The following CKAP4 variants were observed in gnomAD, a reference collection of about 807,000 sequenced individuals.
The protein encoded by CKAP4 is cytoskeleton-associated protein 4.
In CKAP4, 20 loss-of-function variants were observed where a neutral mutation model predicts 24.4. The observed-to-expected ratio is 0.82, with a 90% confidence interval of 0.58 to 1.19. The LOEUF (loss-of-function observed/expected upper bound fraction) is 1.19. Ranked by LOEUF, CKAP4 falls within the 50% of genes most tolerant of loss-of-function variation. The pLI is 0.00. For missense variants in CKAP4, 744 were observed against 765.3 expected, an observed-to-expected ratio of 0.97 and a Z score of 0.33; for synonymous variants, 378 against 351.7, an observed-to-expected ratio of 1.07 and a Z score of -0.84.
rs1385111836 is a variant in CKAP4, at chr12:106,239,576, C to G, written c.1257G>C (p.Gly419=). ...LDSRLQHVED[G]VLSMQVASAR... ...CAGAAGCCACCTGCATGGAGAGCACCCCATCCTCCACGTGCTGGAGCCTGG... is the reference window on the plus strand; with the variant it reads ...CAGAAGCCACCTGCATGGAGAGCACGCCATCCTCCACGTGCTGGAGCCTGG... The change falls in exon 2 of 2, where the codon GGG becomes GGC. Residue 419 remains glycine, a synonymous_variant. Coordinates refer to ENST00000378026, the MANE Select transcript of CKAP4 (RefSeq NM_006825.4). The surrounding 1 kb of genome is among the most constrained non-coding windows in gnomAD (Gnocchi z 4.9). The G allele has an allele frequency of 1.2e-6, 2 of 1,613,840 alleles. No homozygotes were observed. The highest frequency in any genetic ancestry group is 1.7e-6 in the Non-Finnish European group (2 of 1,180,008).
In CKAP4 at chr12:106,247,363, AC is replaced by A; in HGVS notation, c.483+5del. On this transcript the variant is annotated splice_donor_5th_base_variant and intron_variant, in intron 1 of 1. Coordinates refer to ENST00000378026, the MANE Select transcript of CKAP4 (RefSeq NM_006825.4). The surrounding 1 kb of genome is among the most constrained non-coding windows in gnomAD (Gnocchi z 4.5). Reference sequence around the variant, plus strand: ...TGGGGACAGTTGCGGGGCCGGGGGTACCCACCTTCTGCTCGACGCCCTGCAA... The same window carrying A: ...TGGGGACAGTTGCGGGGCCGGGGGTACCACCTTCTGCTCGACGCCCTGCAA... 6.6e-7 allele frequency: 1 copy of A among 1,521,052 alleles called. No homozygotes were observed. Among genetic ancestry groups the A allele is most frequent in the Non-Finnish European group, 8.8e-7 (1 of 1,138,308 alleles). 94.2% of individuals were successfully genotyped at this position (1,521,052 alleles called of 1,614,324 possible).
intron 1 of CKAP4, among the ~76,000 whole-genome samples, chr12:106,246,018 G>A (rs964167419): frequency 6.6e-6 from 1 of 152,192 alleles, no homozygotes; most frequent in Admixed American, 6.5e-5. Context: ...AGAAGTGGCG[G>A]GATTTTTTGT....
At chr12:106,241,211 T>C (rs917824287) in intron 1 of CKAP4, among the ~76,000 whole-genome samples, 2 of 152,190 alleles carry the variant, frequency 1.3e-5, no homozygotes, top group Non-Finnish European at 2.9e-5. Context: ...TATGATATGC[T>C]GTGTTCTGTT....
At position 106,247,414 on chromosome 12, in the gene CKAP4, C is replaced by A; in HGVS notation, c.438G>T (p.Arg146=). 6.5e-7 allele frequency: 1 copy of A among 1,543,894 alleles called. No individual in the cohort carries two copies. Among genetic ancestry groups the A allele is most frequent in the South Asian group, 1.2e-5 (1 of 84,132 alleles). ...AGCCCTGGCCCAGCTCCTCCCTCTGCCGGGAGAAGTCCTGGTGGCTGCGCC... is the reference window on the plus strand; with the variant it reads ...AGCCCTGGCCCAGCTCCTCCCTCTGACGGGAGAAGTCCTGGTGGCTGCGCC... The part of the protein sequence containing the change: ...QVRRSHQDFS[R]QREELGQGLQ... The change falls in exon 1 of 2, where the codon CGG becomes CGT. Residue 146 remains arginine (R), a synonymous_variant. Coordinates refer to ENST00000378026, the MANE Select transcript of CKAP4 (RefSeq NM_006825.4). The surrounding 1 kb of genome is among the most constrained non-coding windows in gnomAD (Gnocchi z 4.5).
intron 1 of CKAP4, 101 bp from the exon 2 acceptor site, chr12:106,240,450 A>G: frequency 7.6e-7 from 1 of 1,315,186 alleles, no homozygotes; most frequent in South Asian, 1.4e-5. Context: ...GTTTTTTTCC[A>G]GAATGTCACC....
Position 106,239,877 on chromosome 12 carries a change from G to A in CKAP4, c.956C>T (p.Ser319Phe), listed in dbSNP as rs1359841585. The change falls in exon 2 of 2, where the codon TCT (serine) becomes TTT (phenylalanine). Residue 319 changes from serine (S) to phenylalanine (F), a missense_variant. Around this residue, in one of 3 missense-constraint regions of CKAP4, gnomAD observed 401 missense variants for 424.5 expected, o/e 0.94. Coordinates refer to ENST00000378026, the MANE Select transcript of CKAP4 (RefSeq NM_006825.4). This position sits in a 1 kb window ranked among gnomAD's most constrained non-coding sequence, Gnocchi z 4.9. The stretch of plus-strand genomic sequence containing the variant: ...CTCGCGGACCTCGGTGTAGATGTCA[G>A]ACTCCATAGTCTGAAGGGTACTTCT... ...ALRSTLQTME[S>F]DIYTEVRELV... is the part of the protein sequence containing the mutation. 6.2e-7 allele frequency: 1 copy of A among 1,614,006 alleles called. No homozygotes were observed. The highest frequency in any genetic ancestry group is 8.5e-7 in the Non-Finnish European group (1 of 1,180,004).
intron 1 of CKAP4, among the ~76,000 whole-genome samples, chr12:106,241,230 C>T (rs927384227): frequency 6.6e-6 from 1 of 151,200 alleles, no homozygotes; most frequent in African/African-American, 2.4e-5. Context: ...TTAAAACAAA[C>T]AGGGAAAGGA....
At position 106,248,006 on chromosome 12, in the gene CKAP4, GGCCGGGCCGAGGA is replaced by G. The variant is rs1412737227; in HGVS notation, c.-168_-156del. 1 of 328,582 alleles carries G rather than the reference GGCCGGGCCGAGGA, an allele frequency of 3.0e-6. No individual in the cohort carries two copies. The highest frequency in any genetic ancestry group is 4.4e-6 in the Non-Finnish European group (1 of 227,820). The allele number at this position is 328,582 out of a possible 1,614,324, so 20.4% of individuals were successfully genotyped here. ...GAGAGGACGCGCGGCCGGGGAAGGA[GGCCGGGCCGAGGA>G]GGCGGGAGGAGGGGGCCTGCCTCCG... On this transcript the variant is annotated 5_prime_UTR_variant, in exon 1 of 2. Transcript: ENST00000378026.
intron 1 of CKAP4, among the ~76,000 whole-genome samples, chr12:106,240,870 T>C (rs192638613): frequency 6.6e-6 from 1 of 152,206 alleles, no homozygotes; most frequent in Admixed American, 6.5e-5. Context: ...ACTTACAGAC[T>C]GAAAGAAATT....
rs1177822880 is a variant in CKAP4, at chr12:106,238,905, C to T, written c.*119G>A. 9.5e-7 allele frequency: 1 copy of T among 1,050,040 alleles called. No individual in the cohort carries two copies. The allele number at this position is 1,050,040 out of a possible 1,614,324, so 65.0% of individuals were successfully genotyped here. A position where few individuals can be genotyped will look rare whatever the true frequency, so the allele number is the denominator to read the frequency against. Reference sequence around the variant, plus strand: ...CAATGCCTTGGTGTTCAGGTGGTGACAACTGCTCTTTAAGAGGGGACAAGA... The same window carrying T: ...CAATGCCTTGGTGTTCAGGTGGTGATAACTGCTCTTTAAGAGGGGACAAGA... On this transcript the variant is annotated 3_prime_UTR_variant, in exon 2 of 2. Transcript: ENST00000378026.
At position 106,240,195 on chromosome 12, in the gene CKAP4, T is replaced by C; in HGVS notation, c.638A>G (p.Lys213Arg). ...CACATGGATCCCATCCGAGAGGTCT[T>C]TGAGAATCTCATTCTGGAGTTTCTG... ...VLQKLQNEIL[K>R]DLSDGIHVVK... is the part of the protein sequence containing the mutation. The change falls in exon 2 of 2, where the codon AAA becomes AGA. Residue 213 changes from lysine (K) to arginine (R), a missense_variant. This residue lies in a region of CKAP4 where 43 missense variants were observed against 76.4 expected (regional missense o/e 0.56). Coordinates refer to ENST00000378026, the MANE Select transcript of CKAP4 (RefSeq NM_006825.4). 1.2e-6 allele frequency: 2 copies of C among 1,614,202 alleles called. No individual in the cohort carries two copies. The highest frequency in any genetic ancestry group is 1.1e-5 in the South Asian group (1 of 91,082).
chr12:106,239,725 T>C lies in CKAP4; in HGVS notation c.1108A>G (p.Ile370Val), dbSNP rs1275862719. The change falls in exon 2 of 2, where the codon ATC becomes GTC. Residue 370 changes from isoleucine to valine, a missense_variant. Transcript: ENST00000378026. The surrounding 1 kb of genome is among the most constrained non-coding windows in gnomAD (Gnocchi z 4.9). ...EESVSRLPEE[I>V]RRLEEELRQL... ...CGGAGCTCTTCCTCCAGTCTCCGGA[T>C]CTCCTCCGGGAGGCGGGAGACGGAC... The C allele has an allele frequency of 1.9e-6, 3 of 1,613,576 alleles. No homozygotes were observed. The highest frequency in any genetic ancestry group is 2.5e-6 in the Non-Finnish European group (3 of 1,179,912).
chr12:106,242,886 G>A (rs780032236), intron 1 of CKAP4, among the ~76,000 whole-genome samples: 1 of 152,228 alleles, frequency 6.6e-6, no homozygotes, highest in Non-Finnish European at 1.5e-5. Context: ...TTAGGAAGGA[G>A]ACTAGAACAG....
chr12:106,238,938 G>A lies in CKAP4; in HGVS notation c.*86C>T. The stretch of plus-strand genomic sequence containing the variant: ...CTTTAAGAGGGGACAAGAAATTGGG[G>A]GGTAGGGGACACATGGGAAAAAACC... On this transcript the variant is annotated 3_prime_UTR_variant, in exon 2 of 2. Transcript: ENST00000378026. The A allele has an allele frequency of 1.4e-6, 2 of 1,443,574 alleles. No homozygotes were observed. Among genetic ancestry groups the A allele is most frequent in the East Asian group, 2.3e-5 (1 of 43,846 alleles). The allele number at this position is 1,443,574 out of a possible 1,614,324, so 89.4% of individuals were successfully genotyped here.
At position 106,238,878 on chromosome 12, in the gene CKAP4, T is replaced by C. The variant is rs2033936686; in HGVS notation, c.*146A>G. The C allele has an allele frequency of 2.4e-6, 2 of 818,016 alleles. No individual in the cohort carries two copies. The highest frequency in any genetic ancestry group is 2.4e-5 in the East Asian group (1 of 40,858). The allele number at this position is 818,016 out of a possible 1,614,324, so 50.7% of individuals were successfully genotyped here. On this transcript the variant is annotated 3_prime_UTR_variant, in exon 2 of 2. Coordinates refer to ENST00000378026, the MANE Select transcript of CKAP4 (RefSeq NM_006825.4). The stretch of plus-strand genomic sequence containing the variant: ...TAAATAAGTTAACTGGGCATGAAAA[T>C]ACAATGCCTTGGTGTTCAGGTGGTG...
In CKAP4 at chr12:106,247,165, A is replaced by T. The variant is rs1298585565; in HGVS notation, c.483+204T>A. ...GCCGATTCCTCCGCAGCCATTAACA[A>T]AGGGGGTCTGGGGACTGCCTCGGAA... On this transcript the variant is annotated intron_variant, in intron 1 of 1. Transcript: ENST00000378026. This position sits in a 1 kb window ranked among gnomAD's most constrained non-coding sequence, Gnocchi z 4.5. Among the ~76,000 whole-genome samples the T allele has an allele frequency of 6.6e-6, 1 of 152,016 alleles. No individual in the cohort carries two copies. Among genetic ancestry groups the T allele is most frequent in the African/African-American group, 2.4e-5 (1 of 41,432 alleles).
In CKAP4 at chr12:106,238,652, C is replaced by T. The variant is rs2033933870; in HGVS notation, c.*372G>A. On this transcript the variant is annotated 3_prime_UTR_variant, in exon 2 of 2. Coordinates refer to ENST00000378026, the MANE Select transcript of CKAP4 (RefSeq NM_006825.4). ...AGACAACTAGAAAGAAAAGGGTCCCCCCAACCCACCTTTTTTTTTTTTTTA... is the reference window on the plus strand; with the variant it reads ...AGACAACTAGAAAGAAAAGGGTCCCTCCAACCCACCTTTTTTTTTTTTTTA... 5.5e-6 allele frequency: 1 copy of T among 181,434 alleles called. No homozygotes were observed. Among genetic ancestry groups the T allele is most frequent in the Admixed American group, 5.8e-5 (1 of 17,176 alleles). The allele number at this position is 181,434 out of a possible 1,614,324, so 11.2% of individuals were successfully genotyped here.
Position 106,239,351 on chromosome 12 carries a change from GC to G in CKAP4, c.1481del (p.Gly494AlafsTer43). The part of the protein sequence containing the change: ...GDVEELKRSV[G>X]ELPSTVESLQ... ...GTGATTCCACGGTGCTGGGGAGCTC[GC>G]CCACACTCCTCTTCAGCTCCTCCAC... On this transcript the variant is annotated frameshift_variant, in exon 2 of 2. Transcript: ENST00000378026. This position sits in a 1 kb window ranked among gnomAD's most constrained non-coding sequence, Gnocchi z 4.9. 1 of 1,605,466 alleles carries G rather than the reference GC, an allele frequency of 6.2e-7. No homozygotes were observed.
rs762149224 is a variant in CKAP4, at chr12:106,239,219, G to T, written c.1614C>A (p.Asn538Lys). 6 of 1,614,028 alleles carry T rather than the reference G, an allele frequency of 3.7e-6. No individual in the cohort carries two copies. Among genetic ancestry groups the T allele is most frequent in the Non-Finnish European group, 5.1e-6 (6 of 1,180,032 alleles). ...DFLDRLSSLD[N>K]LKASVSQVEA... ...CCACTTGGCTGACTGAGGCTTTCAG[G>T]TTGTCTAGAGAAGAAAGTCTGTCCA... The change falls in exon 2 of 2, where the codon AAC becomes AAA. Residue 538 changes from asparagine (N) to lysine (K), a missense_variant. This residue lies in a region of CKAP4 where 401 missense variants were observed against 424.5 expected (regional missense o/e 0.94). Transcript: ENST00000378026. This position sits in a 1 kb window ranked among gnomAD's most constrained non-coding sequence, Gnocchi z 4.9.
Sources: gnomAD v4.1 joint callset for allele counts (sites outside exome capture counted in the v4.1 genomes callset) on GRCh38, gnomAD v4.1.1 for gene constraint, gnomAD v4.1.1 regional missense constraint, Gnocchi (gnomAD v3.1) non-coding constraint, MANE v1.5 for transcripts, NCBI Gene and HGNC (gene_info 2026-07-23, HGNC 2026-07-21) for gene names.